SETBP1: variants seen among roughly 807,000 people sequenced by gnomAD.
SETBP1 encodes the protein SET binding protein 1.
A neutral mutation model predicts 101.0 loss-of-function variants in SETBP1; 9 were observed. The ratio of observed to expected loss-of-function variants is 0.09; its 90% CI spans 0.05 to 0.16. SETBP1 has a LOEUF of 0.16. SETBP1 is among the 10% of genes least tolerant of loss of function. The pLI is 1.00. For missense variants in SETBP1, 1,858 were observed against 2,033.8 expected, an observed-to-expected ratio of 0.91 and a Z score of 1.66; for synonymous variants, 818 against 788.5, an observed-to-expected ratio of 1.04 and a Z score of -0.63.
chr18:44,850,205 T>C (rs929668798), intron 2 of SETBP1, among the ~76,000 whole-genome samples: 7 of 152,150 alleles, frequency 4.6e-5, no homozygotes, highest in African/African-American at 1.4e-4. Flanking sequence ...CAGTCACCCA[T>C]TGGGATCTTT....
chr18:44,689,752 G>A (rs1466008947), intron 1 of SETBP1, among the ~76,000 whole-genome samples: 1 of 152,204 alleles, frequency 6.6e-6, no homozygotes, highest in Non-Finnish European at 1.5e-5. Flanking sequence ...TAGGTATGGA[G>A]CAGCAGGGAA....
Position 45,064,391 on chromosome 18 carries a change from C to G in SETBP1, c.*693C>G, listed in dbSNP as rs1440899256. On this transcript the variant is annotated 3_prime_UTR_variant, in exon 6 of 6. Transcript: ENST00000649279. ...TTGTCTATTCCTATTTTTCCTTTGCCCATTGTACTTCCATATATCTTTTCA... is the reference window on the plus strand; with the variant it reads ...TTGTCTATTCCTATTTTTCCTTTGCGCATTGTACTTCCATATATCTTTTCA... 6.6e-6 allele frequency: 1 copy of G among 151,924 alleles called. No individual in the cohort carries two copies. The highest frequency in any genetic ancestry group is 2.4e-5 in the African/African-American group (1 of 41,374). The allele number at this position is 151,924 out of a possible 1,614,324, so 9.4% of individuals were successfully genotyped here. A position where few individuals can be genotyped will look rare whatever the true frequency, so the allele number is the denominator to read the frequency against.
At chr18:44,690,137 G>A (rs2068905417) in intron 1 of SETBP1, among the ~76,000 whole-genome samples, 1 of 152,156 alleles carries the variant, frequency 6.6e-6, no homozygotes, top group Admixed American at 6.5e-5. Flanking sequence ...GCCGCTCTGG[G>A]GAACATAAAA....
Position 45,063,493 on chromosome 18 carries a change from C to T in SETBP1, c.4586C>T (p.Pro1529Leu). The change falls in exon 6 of 6, where the codon CCC becomes CTC. Residue 1529 changes from proline to leucine, a missense_variant. Physicochemically the swap from Pro to Leu is moderately conservative, Grantham distance 98. This residue lies in a region of SETBP1 where 178 missense variants were observed against 189.1 expected (regional missense o/e 0.94). Transcript: ENST00000649279. ...APPLPPPPPP[P>L]LPPPPPPPLP... Reference sequence around the variant, plus strand: ...CCCCTGCCCCCGCCACCGCCGCCGCCCCTGCCGCCACCGCCGCCACCACCC... The same window carrying T: ...CCCCTGCCCCCGCCACCGCCGCCGCTCCTGCCGCCACCGCCGCCACCACCC... 1 of 1,443,254 alleles carries T rather than the reference C, an allele frequency of 6.9e-7. No homozygotes were observed. The highest frequency in any genetic ancestry group is 1.5e-5 in the South Asian group (1 of 67,326). 89.4% of individuals were successfully genotyped at this position (1,443,254 alleles called of 1,614,324 possible).
chr18:45,057,612 A>G (rs940175049), intron 5 of SETBP1, among the ~76,000 whole-genome samples: 1 of 152,178 alleles, frequency 6.6e-6, no homozygotes, highest in African/African-American at 2.4e-5. Context: ...TGATTGAAGC[A>G]CAAGATATTC....
chr18:44,891,276 G>T (rs1469198168), intron 3 of SETBP1, among the ~76,000 whole-genome samples: 1 of 152,096 alleles, frequency 6.6e-6, no homozygotes, highest in Non-Finnish European at 1.5e-5. Context: ...TGAGATTTGG[G>T]TGGGGACACA....
intron 5 of SETBP1, among the ~76,000 whole-genome samples, chr18:45,039,997 G>A (rs368975894): frequency 3.3e-5 from 5 of 152,192 alleles, no homozygotes; most frequent in East Asian, 1.9e-4. Context: ...AGGGCTTTCC[G>A]GGGCCTTGCA....
intron 2 of SETBP1, among the ~76,000 whole-genome samples, chr18:44,754,047 C>T (rs143070162): frequency 1.2e-4 from 18 of 152,280 alleles, no homozygotes; most frequent in Non-Finnish European, 2.9e-5. Flanking sequence ...CCATAGATCG[C>T]CTCTGTTCAG....
intron 4 of SETBP1, among the ~76,000 whole-genome samples, chr18:45,014,880 AG>A (rs577129942): frequency 1.3e-5 from 2 of 152,262 alleles, no homozygotes; most frequent in Non-Finnish European, 2.9e-5. Context: ...AAAAGGTCTT[AG>A]AGAGTGCCTT....
intron 3 of SETBP1, among the ~76,000 whole-genome samples, chr18:44,908,856 T>C (rs567718445): frequency 1.1e-4 from 17 of 152,354 alleles, no homozygotes; most frequent in Non-Finnish European, 2.4e-4. Context: ...CTGCTTTAAA[T>C]GTTTAAAATA....
In SETBP1 at chr18:44,915,721, G is replaced by C. The variant is rs2070410274; in HGVS notation, c.541-34160G>C. Among the ~76,000 whole-genome samples the C allele has an allele frequency of 3.9e-5, 6 of 152,284 alleles. 1 individual carries two copies. The South Asian group carries it at 1.2e-3, about 32-fold the overall frequency. On this transcript the variant is annotated intron_variant, in intron 3 of 5. Coordinates refer to ENST00000649279, the MANE Select transcript of SETBP1 (RefSeq NM_015559.3). ...CAGTGAAATGAAATGCTTGGGAAGA[G>C]GCAAGTACAGGCACCTGCTACGACT...
intron 2 of SETBP1, among the ~76,000 whole-genome samples, chr18:44,848,377 C>G (rs1003042883): frequency 6.6e-5 from 10 of 152,082 alleles, no homozygotes; most frequent in Non-Finnish European, 2.9e-5. Flanking sequence ...GGGTCTGTGC[C>G]CTCCTATGGA....
chr18:44,726,578 A>T (rs1173576970), intron 2 of SETBP1, among the ~76,000 whole-genome samples: 1 of 152,220 alleles, frequency 6.6e-6, no homozygotes, highest in Non-Finnish European at 1.5e-5. Flanking sequence ...CAAAGTTCAT[A>T]TTCTTAAACA....
chr18:44,695,635 G>A (rs1437205749), intron 1 of SETBP1, among the ~76,000 whole-genome samples: 1 of 152,182 alleles, frequency 6.6e-6, no homozygotes, highest in African/African-American at 2.4e-5. Context: ...AGAGCCGAGG[G>A]AGGACTGAGG....
chr18:44,923,408 C>A (rs1222057262), intron 3 of SETBP1, among the ~76,000 whole-genome samples: 2 of 152,150 alleles, frequency 1.3e-5, no homozygotes, highest in Non-Finnish European at 2.9e-5. Context: ...TCCAGAATCA[C>A]CCAGAGATCT....
At chr18:44,909,978 C>G (rs586327) in intron 3 of SETBP1, among the ~76,000 whole-genome samples, 46,624 of 152,088 alleles carry the variant, frequency 0.31, 7,566 homozygotes, top group Non-Finnish European at 0.35. Flanking sequence ...AAGCACCTTC[C>G]AAGATTCCGT....
intron 2 of SETBP1, among the ~76,000 whole-genome samples, chr18:44,742,968 T>TCC (rs1568120488): frequency 8.4e-6 from 1 of 118,736 alleles, no homozygotes; most frequent in African/African-American, 2.8e-5. Context: ...TCTCTCTCTC[T>TCC]CTCCCCCCCT....
At chr18:44,687,693 G>A (rs767856196) in intron 1 of SETBP1, among the ~76,000 whole-genome samples, 1 of 152,274 alleles carries the variant, frequency 6.6e-6, no homozygotes, top group African/African-American at 2.4e-5. Context: ...AGGAAGTCCA[G>A]AATGTATTCT....
chr18:44,746,161 T>TA (rs2070241157), intron 2 of SETBP1, among the ~76,000 whole-genome samples: 1 of 152,102 alleles, frequency 6.6e-6, no homozygotes. Flanking sequence ...GTGATTAAAA[T>TA]ATGGGGCGTC....
Sources: allele counts gnomAD v4.1 joint callset (sites outside exome capture counted in the v4.1 genomes callset), GRCh38; gene constraint gnomAD v4.1.1; regional missense constraint gnomAD v4.1.1; transcripts MANE v1.5; gene names NCBI Gene and HGNC (gene_info 2026-07-23, HGNC 2026-07-21).